Variants in SLC35H1 observed in about 807,000 individuals in gnomAD.
The protein encoded by SLC35H1 is solute carrier family 35 member H1.
chr20:46,346,038 G>T, the SLC35H1 span: 1 of 152,216 alleles, frequency 6.6e-6, no homozygotes, highest in East Asian at 1.9e-4. Context: ...GCGATCACCG[G>T]CCAGGGCACA....
At chr20:46,354,783 G>A in the SLC35H1 span, 3 of 1,097,432 alleles carry the variant, frequency 2.7e-6, no homozygotes, top group East Asian at 7.7e-5. Flanking sequence ...CTGCATCTTT[G>A]ATCTCAATAA....
chr20:46,358,916 T>C, the SLC35H1 span: 1 of 639,306 alleles, frequency 1.6e-6, no homozygotes, highest in Non-Finnish European at 2.8e-6. Flanking sequence ...GTCTGCTGTC[T>C]TGTCACCTCA....
At chr20:46,350,934 T>C in the SLC35H1 span, 10 of 1,609,442 alleles carry the variant, frequency 6.2e-6, no homozygotes, top group African/African-American at 6.7e-5. Flanking sequence ...ACAGGCAGAT[T>C]TGGCTGCTTG....
the SLC35H1 span, chr20:46,350,512 G>C: frequency 1.9e-6 from 3 of 1,601,668 alleles, no homozygotes; most frequent in Non-Finnish European, 2.6e-6. Flanking sequence ...CAAGGCCTTG[G>C]GGCCACCATC....
the SLC35H1 span, among the ~76,000 whole-genome samples, chr20:46,356,061 A>C: frequency 2.0e-5 from 3 of 152,162 alleles, no homozygotes; most frequent in African/African-American, 7.2e-5. Context: ...ACCAGAGAGA[A>C]GAGGTTACAG....
At chr20:46,349,808 A>C in the SLC35H1 span, 3 of 152,286 alleles carry the variant, frequency 2.0e-5, no homozygotes, top group African/African-American at 7.2e-5. Flanking sequence ...TGGTGTTCTA[A>C]CAGGAGCGAG....
At chr20:46,357,666 C>T in the SLC35H1 span, 1 of 1,614,116 alleles carries the variant, frequency 6.2e-7, no homozygotes, top group Non-Finnish European at 8.5e-7. Context: ...AGCTCAGCAC[C>T]ACACGGGCCC....
the SLC35H1 span, among the ~76,000 whole-genome samples, chr20:46,358,182 C>G: frequency 2.6e-5 from 4 of 152,222 alleles, no homozygotes; most frequent in Non-Finnish European, 5.9e-5. Context: ...TCACACCCCC[C>G]GCTCTCCTTG....
the SLC35H1 span, chr20:46,351,960 G>A: frequency 7.4e-7 from 1 of 1,358,866 alleles, no homozygotes; most frequent in East Asian, 2.4e-5. Flanking sequence ...GCAGGGCCCT[G>A]GGGTGCAGGA....
chr20:46,351,491 T>G, the SLC35H1 span, among the ~76,000 whole-genome samples: 1 of 152,222 alleles, frequency 6.6e-6, no homozygotes, highest in South Asian at 2.1e-4. Context: ...CAGGGAGGAC[T>G]GTTGAAATGT....
At chr20:46,355,003 G>C in the SLC35H1 span, 5 of 1,613,676 alleles carry the variant, frequency 3.1e-6, no homozygotes, top group Non-Finnish European at 4.2e-6. This position sits in a 1 kb window ranked among gnomAD's most constrained non-coding sequence, Gnocchi z 4.8. Context: ...GGTCTGGTCC[G>C]GCCCTGCCCT....
At chr20:46,356,846 C>T in the SLC35H1 span, among the ~76,000 whole-genome samples, 4 of 152,216 alleles carry the variant, frequency 2.6e-5, no homozygotes, top group East Asian at 1.9e-4. Flanking sequence ...GGGCTGGGGC[C>T]CATTCCAACT....
the SLC35H1 span, chr20:46,358,272 G>T: frequency 1.0e-6 from 1 of 986,562 alleles, no homozygotes; most frequent in East Asian, 2.4e-5. Flanking sequence ...GCCGTGACTG[G>T]CTTCCAGTTA....
At chr20:46,352,494 G>A in the SLC35H1 span, 16 of 409,172 alleles carry the variant, frequency 3.9e-5, no homozygotes, top group Non-Finnish European at 5.8e-5. Context: ...GGATCCTAGC[G>A]GGATGATGGG....
At chr20:46,350,854 C>T in the SLC35H1 span, 1 of 1,614,100 alleles carries the variant, frequency 6.2e-7, no homozygotes, top group Admixed American at 1.7e-5. Flanking sequence ...ATCTGATCGC[C>T]CAGCAGATGA....
At chr20:46,350,562 G>A in the SLC35H1 span, 26 of 1,553,096 alleles carry the variant, frequency 1.7e-5, no homozygotes, top group South Asian at 6.1e-5. Flanking sequence ...AGGCCCAGTC[G>A]TGGTTTTCTT....
At chr20:46,352,298 C>CA in the SLC35H1 span, 2 of 1,338,722 alleles carry the variant, frequency 1.5e-6, no homozygotes, top group South Asian at 1.2e-5. Flanking sequence ...GCCAACCACA[C>CA]AAGATCTTCC....
the SLC35H1 span, among the ~76,000 whole-genome samples, chr20:46,361,970 C>T: frequency 6.6e-6 from 1 of 152,258 alleles, no homozygotes; most frequent in Non-Finnish European, 1.5e-5. Context: ...CCTCCCTCCA[C>T]TGTTCAAATG....
the SLC35H1 span, chr20:46,350,449 C>CGCTGGCTG: frequency 6.2e-7 from 1 of 1,613,506 alleles, no homozygotes; most frequent in East Asian, 2.2e-5. Context: ...ACCTTCCTCC[C>CGCTGGCTG]GCTGGCTGCT....
Sources: gnomAD v4.1 joint callset for allele counts (sites outside exome capture counted in the v4.1 genomes callset) on GRCh38, gnomAD v4.1.1 for gene constraint, Gnocchi (gnomAD v3.1) non-coding constraint, MANE v1.5 for transcripts, NCBI Gene and HGNC (gene_info 2026-07-23, HGNC 2026-07-21) for gene names.